The following DLAT variants were observed in gnomAD, a reference collection of about 807,000 sequenced individuals.
DLAT encodes the protein dihydrolipoyllysine-residue acetyltransferase component of pyruvate dehydrogenase complex, mitochondrial.
In DLAT, 43 loss-of-function variants were observed where a neutral mutation model predicts 68.0. The observed-to-expected ratio is 0.63, with a 90% CI of 0.50 to 0.81. DLAT has a LOEUF of 0.81. Ranked by LOEUF, DLAT falls within the 40% of genes least tolerant of loss-of-function variation. DLAT has a pLI of 0.00. For synonymous variants in DLAT, 265 were observed against 288.6 expected, an observed-to-expected ratio of 0.92 and a Z score of 0.83; for missense variants, 745 against 815.4, an observed-to-expected ratio of 0.91 and a Z score of 1.05.
At chr11:112,040,681 T>C (rs1310590193) in intron 7 of DLAT, among the ~76,000 whole-genome samples, 1 of 151,936 alleles carries the variant, frequency 6.6e-6, no homozygotes, top group Non-Finnish European at 1.5e-5. Flanking sequence ...TGGAAGATTC[T>C]TTTTTTTCCA....
chr11:112,064,059 A>G lies in DLAT; in HGVS notation c.*1524A>G. 1 of 950,566 alleles carries G rather than the reference A, an allele frequency of 1.1e-6. No homozygotes were observed. The highest frequency in any genetic ancestry group is 1.5e-6 in the Non-Finnish European group (1 of 655,168). 58.9% of individuals were successfully genotyped at this position (950,566 alleles called of 1,614,324 possible). ...TGCTGTATTATTATGAAAACAATAC[A>G]TTAATTTGATTTTTCAGTAATTAGT... On this transcript the variant is annotated 3_prime_UTR_variant, in exon 14 of 14. Transcript: ENST00000280346.
At chr11:112,056,544 G>C (rs587640920) in intron 11 of DLAT, among the ~76,000 whole-genome samples, 17 of 152,254 alleles carry the variant, frequency 1.1e-4, no homozygotes, top group Non-Finnish European at 2.5e-4. Flanking sequence ...TTGCTGTATA[G>C]TGTTTAATCG....
intron 5 of DLAT, among the ~76,000 whole-genome samples, chr11:112,036,201 GTT>G (rs1167345612): frequency 5.5e-5 from 2 of 36,482 alleles, no homozygotes; most frequent in African/African-American, 1.8e-4. Flanking sequence ...GTGTGTGTGT[GTT>G]TTTTTTTTTT....
intron 11 of DLAT, among the ~76,000 whole-genome samples, chr11:112,056,231 G>A (rs1302203496): frequency 6.6e-6 from 1 of 152,038 alleles, no homozygotes; most frequent in Non-Finnish European, 1.5e-5. Flanking sequence ...TGCTCTAAGT[G>A]TACAATTTCT....
intron 5 of DLAT, among the ~76,000 whole-genome samples, chr11:112,034,379 T>C (rs1181798636): frequency 1.3e-5 from 2 of 152,128 alleles, no homozygotes; most frequent in East Asian, 3.8e-4. Context: ...TATGTCCACA[T>C]ATCTCCTTCT....
chr11:112,037,356 T>G lies in DLAT; in HGVS notation c.871T>G (p.Cys291Gly). The change falls in exon 6 of 14, where the codon TGT (cysteine) becomes GGT (glycine). Residue 291 changes from cysteine to glycine, a missense_variant. Physicochemically the swap from Cys to Gly is radical, Grantham distance 159. Coordinates refer to ENST00000280346, the MANE Select transcript of DLAT (RefSeq NM_001931.5). ...TRDVPLGTPL[C>G]IIVEKEADIS... ...AGATGTCCCTCTAGGAACCCCACTCTGTATCATTGTAGAAAAAGAGGCAGA... is the reference window on the plus strand; with the variant it reads ...AGATGTCCCTCTAGGAACCCCACTCGGTATCATTGTAGAAAAAGAGGCAGA... The G allele has an allele frequency of 1.9e-6, 3 of 1,614,192 alleles. No homozygotes were observed. The highest frequency in any genetic ancestry group is 2.5e-6 in the Non-Finnish European group (3 of 1,180,030).
intron 5 of DLAT, among the ~76,000 whole-genome samples, chr11:112,033,994 G>A (rs587710364): frequency 6.6e-6 from 1 of 152,306 alleles, no homozygotes; most frequent in Admixed American, 6.5e-5. Context: ...AAAGTGCTGG[G>A]ACTCCAAGCG....
chr11:112,028,738 T>A, intron 3 of DLAT, 54 bp from the exon 4 acceptor site: 1 of 1,614,118 alleles, frequency 6.2e-7, no homozygotes, highest in South Asian at 1.1e-5. Context: ...TTAAGACTAC[T>A]TTTGTGAAAG....
At chr11:112,054,001 C>A (rs1555182244) in intron 11 of DLAT, among the ~76,000 whole-genome samples, 1 of 151,886 alleles carries the variant, frequency 6.6e-6, no homozygotes, top group African/African-American at 2.4e-5. Context: ...GATTGTAGCA[C>A]AAATTTGGAT....
intron 4 of DLAT, among the ~76,000 whole-genome samples, chr11:112,031,126 GGCAAATTCTGCACAAAAAAA>G (rs1862369465): frequency 6.6e-6 from 1 of 152,168 alleles, no homozygotes; most frequent in African/African-American, 2.4e-5. Context: ...AGATGAAGAT[GGCAAATTCTGCACAAAAAAA>G]GCACTTACAA....
rs782667970 is a variant in DLAT at position 112,039,260 on chromosome 11, C to T, written c.992C>T (p.Pro331Leu). ...PTPPPVAAVP[P>L]TPQPLAPTPS... is the part of the protein sequence containing the mutation. The stretch of plus-strand genomic sequence containing the variant: ...TTTCAAAAGGTGGCCGCTGTTCCTC[C>T]AACTCCCCAGCCTTTAGCTCCTACA... The change falls in exon 7 of 14, where the codon CCA becomes CTA. Residue 331 changes from proline to leucine, a missense_variant. Transcript: ENST00000280346. 4.3e-6 allele frequency: 7 copies of T among 1,613,904 alleles called. No homozygotes were observed. Among genetic ancestry groups the T allele is most frequent in the East Asian group, 4.5e-5 (2 of 44,862 alleles).
At position 112,051,291 on chromosome 11, in the gene DLAT, T is replaced by C. The variant is rs782626789; in HGVS notation, c.1456T>C (p.Leu486=). 1 of 1,613,700 alleles carries C rather than the reference T, an allele frequency of 6.2e-7. No individual in the cohort carries two copies. Residue 486 remains leucine, a synonymous_variant, in exon 11 of 14, where the codon TTG becomes CTG. Transcript: ENST00000280346. This position sits in a 1 kb window ranked among gnomAD's most constrained non-coding sequence, Gnocchi z 4.3. ...VNDFIIKASA[L]ACLKVPEANS... is the part of the protein sequence containing the mutation. ...TGACTTCATCATAAAAGCTTCAGCT[T>C]TGGCATGTTTAAAAGTTCCCGAAGC...
rs1864723692 is a variant in DLAT at position 112,062,935 on chromosome 11, TGAGA to T, written c.*403_*406del. 5 of 175,818 alleles carry T rather than the reference TGAGA, an allele frequency of 2.8e-5. No homozygotes were observed. The highest frequency in any genetic ancestry group is 2.8e-4 in the Admixed American group (5 of 17,764). The allele number at this position is 175,818 out of a possible 1,614,324, so 10.9% of individuals were successfully genotyped here. A position where few individuals can be genotyped will look rare whatever the true frequency, so the allele number is the denominator to read the frequency against. ...CTGCCTAAAATGTTCTCCTTAGATG[TGAGA>T]GAAAGAGAAATCAGAAAAATTAATT... is the stretch of plus-strand genomic sequence containing the variant. On this transcript the variant is annotated 3_prime_UTR_variant, in exon 14 of 14. Coordinates refer to ENST00000280346, the MANE Select transcript of DLAT (RefSeq NM_001931.5).
intron 5 of DLAT, among the ~76,000 whole-genome samples, chr11:112,035,914 C>G (rs1324932043): frequency 6.7e-6 from 1 of 150,186 alleles, no homozygotes; most frequent in Non-Finnish European, 1.5e-5. Flanking sequence ...CCTCAGCTGC[C>G]CAAGTAGCTG....
chr11:112,037,329 A>G lies in DLAT; in HGVS notation c.844A>G (p.Arg282Gly), dbSNP rs1555180588. ...LAKILVPEGT[R>G]DVPLGTPLCI... Reference sequence around the variant, plus strand: ...AAAAATCCTGGTCCCTGAAGGCACAAGAGATGTCCCTCTAGGAACCCCACT... The same window carrying G: ...AAAAATCCTGGTCCCTGAAGGCACAGGAGATGTCCCTCTAGGAACCCCACT... Residue 282 changes from arginine to glycine, a missense_variant, in exon 6 of 14, where the codon AGA becomes GGA. Physicochemically the swap from Arg to Gly is moderately radical, Grantham distance 125. Coordinates refer to ENST00000280346, the MANE Select transcript of DLAT (RefSeq NM_001931.5). The G allele has an allele frequency of 1.2e-6, 2 of 1,614,210 alleles. No homozygotes were observed. Among genetic ancestry groups the G allele is most frequent in the South Asian group, 1.1e-5 (1 of 91,088 alleles).
In DLAT at chr11:112,048,969, A is replaced by ATT. The variant is rs34651095; in HGVS notation, c.1399-2239_1399-2238dup. On this transcript the variant is annotated intron_variant, in intron 10 of 13. Coordinates refer to ENST00000280346, the MANE Select transcript of DLAT (RefSeq NM_001931.5). ...GTCATCTTTGTTCTTTTTTCTCAAG[A>ATT]TTTTTTTTTTTTTTTTTTTTTTTTT... Among the ~76,000 whole-genome samples, 26 of 93,666 alleles carry ATT rather than the reference A, an allele frequency of 2.8e-4. 1 individual carries two copies. The highest frequency in any genetic ancestry group is 4.8e-4 in the African/African-American group (11 of 22,764). 61.4% of individuals were successfully genotyped at this position (93,666 alleles called of 152,430 possible).
At chr11:112,027,911 C>A (rs1268530810) in intron 2 of DLAT, among the ~76,000 whole-genome samples, 2 of 110,300 alleles carry the variant, frequency 1.8e-5, no homozygotes, top group Non-Finnish European at 3.9e-5. Context: ...AGAGGGAGAC[C>A]GTGGGGAGAG....
intron 13 of DLAT, among the ~76,000 whole-genome samples, chr11:112,061,969 C>G (rs1864658634): frequency 6.6e-6 from 1 of 152,120 alleles, no homozygotes; most frequent in Non-Finnish European, 1.5e-5. Context: ...CGAAATTCTT[C>G]AAGGCAGCAA....
chr11:112,050,986 A>AAAAAG (rs1863590665), intron 10 of DLAT, among the ~76,000 whole-genome samples: 1 of 152,062 alleles, frequency 6.6e-6, no homozygotes, highest in African/African-American at 2.4e-5. Context: ...TTTTCTCACG[A>AAAAAG]TTATACAGTT....
Sources: allele counts gnomAD v4.1 joint callset (sites outside exome capture counted in the v4.1 genomes callset), GRCh38; gene constraint gnomAD v4.1.1; non-coding constraint Gnocchi (gnomAD v3.1); transcripts MANE v1.5; gene names NCBI Gene and HGNC (gene_info 2026-07-23, HGNC 2026-07-21).